Variants in DNAJC1 observed in about 807,000 individuals in gnomAD.
DNAJC1 encodes the protein DnaJ heat shock protein family (Hsp40) member C1, also known as dnaJ homolog subfamily C member 1.
DNAJC1 carries 58 observed loss-of-function variants against 76.6 expected under a neutral mutation model. The observed-to-expected ratio is 0.76, with a 90% confidence interval of 0.61 to 0.94. The LOEUF (loss-of-function observed/expected upper bound fraction) is 0.94, where lower values mean the gene tolerates loss of function less well. Among genes scored for constraint, DNAJC1 ranks in the 40% least tolerant of loss-of-function variants. The probability of loss-of-function intolerance (pLI) is 0.00; values close to 1 mark genes in which losing one functional copy is unlikely to be tolerated. For missense variants in DNAJC1, 689 were observed against 677.3 expected, an observed-to-expected ratio of 1.02 and a Z score of -0.19; for synonymous variants, 258 against 267.9, an observed-to-expected ratio of 0.96 and a Z score of 0.36.
intron 8 of DNAJC1, among the ~76,000 whole-genome samples, chr10:21,857,523 T>TA (rs1181210257): frequency 6.6e-6 from 1 of 151,822 alleles, no homozygotes; most frequent in Non-Finnish European, 1.5e-5. Context: ...GGGTTCTATG[T>TA]AAAATGTCAT....
intron 8 of DNAJC1, among the ~76,000 whole-genome samples, chr10:21,832,537 G>T (rs1366861832): frequency 6.6e-6 from 1 of 151,946 alleles, no homozygotes; most frequent in Non-Finnish European, 1.5e-5. Flanking sequence ...AATGGTAACT[G>T]TCTCTTCCAA....
intron 8 of DNAJC1, among the ~76,000 whole-genome samples, chr10:21,848,569 T>C (rs950567): frequency 0.028 from 4,254 of 152,216 alleles, 172 homozygotes; most frequent in African/African-American, 0.094. Context: ...TCAATATGGA[T>C]AGAACATCTA....
intron 8 of DNAJC1, among the ~76,000 whole-genome samples, chr10:21,861,869 G>T (rs926608092): frequency 6.6e-6 from 1 of 152,036 alleles, no homozygotes; most frequent in African/African-American, 2.4e-5. Flanking sequence ...GGGGCTGCTC[G>T]ATCTGGAGTA....
chr10:21,868,109 T>A (rs1836038897), intron 8 of DNAJC1, among the ~76,000 whole-genome samples: 1 of 126,446 alleles, frequency 7.9e-6, no homozygotes. Flanking sequence ...AAACAACAAC[T>A]GGAAACAATG....
intron 11 of DNAJC1, among the ~76,000 whole-genome samples, chr10:21,758,857 T>C (rs896898973): frequency 6.6e-6 from 1 of 152,220 alleles, no homozygotes; most frequent in African/African-American, 2.4e-5. Context: ...GCCTCCCATG[T>C]GCCCTTAAAA....
intron 8 of DNAJC1, among the ~76,000 whole-genome samples, chr10:21,841,448 G>C (rs1421628888): frequency 6.6e-6 from 1 of 152,180 alleles, no homozygotes; most frequent in African/African-American, 2.4e-5. Context: ...CGAAGGATAT[G>C]AACAGACACT....
At position 22,003,325 on chromosome 10, in the gene DNAJC1, A is replaced by T. The variant is rs1838557259; in HGVS notation, c.110T>A (p.Leu37Gln). Residue 37 changes from leucine to glutamine, a missense_variant, in exon 1 of 12, where the codon CTG (leucine) becomes CAG (glutamine). Coordinates refer to ENST00000376980, the MANE Select transcript of DNAJC1 (RefSeq NM_022365.4). ...CGCCGGCGCCACGGCGGCCAGCAGC[A>T]GCAGCAGCAGCCACAGCAGCGGCGT... ...PRTPLLWLLL[L>Q]LLAAVAPARG... The T allele has an allele frequency of 6.6e-7, 1 of 1,518,270 alleles. No homozygotes were observed. 94.0% of individuals were successfully genotyped at this position (1,518,270 alleles called of 1,614,324 possible). A position where few individuals can be genotyped will look rare whatever the true frequency, so the allele number is the denominator to read the frequency against.
intron 9 of DNAJC1, among the ~76,000 whole-genome samples, chr10:21,781,019 G>A (rs1834521578): frequency 6.6e-6 from 1 of 152,176 alleles, no homozygotes; most frequent in African/African-American, 2.4e-5. Context: ...TAATGGTAAA[G>A]GGATCAATTC....
Position 21,937,729 on chromosome 10 carries a change from C to A in DNAJC1, c.223-8588G>T, listed in dbSNP as rs574188331. On this transcript the variant is annotated intron_variant, in intron 1 of 11. Transcript: ENST00000376980. ...CTATTTTAGGCTATTAAATTGGTCT[C>A]AATAAATTTAAAAAGACTGAAATCA... Among the ~76,000 whole-genome samples the A allele has an allele frequency of 2.2e-4, 33 of 152,184 alleles. 1 individual carries two copies. The South Asian group carries it at 6.0e-3, about 28-fold the overall frequency.
chr10:21,929,713 C>G (rs939750206), intron 1 of DNAJC1, among the ~76,000 whole-genome samples: 1 of 152,074 alleles, frequency 6.6e-6, no homozygotes, highest in Non-Finnish European at 1.5e-5. Context: ...ATATACTATA[C>G]TTATTTACTT....
intron 8 of DNAJC1, among the ~76,000 whole-genome samples, chr10:21,838,411 A>C (rs994151018): frequency 6.6e-6 from 1 of 152,142 alleles, no homozygotes; most frequent in Non-Finnish European, 1.5e-5. Flanking sequence ...TGTTAAACAG[A>C]TGCTTGAAGG....
chr10:21,768,146 A>G (rs967113551), intron 9 of DNAJC1, among the ~76,000 whole-genome samples: 1 of 152,216 alleles, frequency 6.6e-6, no homozygotes, highest in Non-Finnish European at 1.5e-5. Context: ...TTTTTTTCAA[A>G]TGAATAGTTA....
chr10:21,796,023 G>GT (rs1834747243), intron 9 of DNAJC1, among the ~76,000 whole-genome samples: 1 of 149,612 alleles, frequency 6.7e-6, no homozygotes, highest in African/African-American at 2.5e-5. Flanking sequence ...AGGCTGGAGT[G>GT]TAGTGGCATG....
At chr10:21,897,131 T>C (rs1446209844) in intron 7 of DNAJC1, among the ~76,000 whole-genome samples, 1 of 152,184 alleles carries the variant, frequency 6.6e-6, no homozygotes, top group Non-Finnish European at 1.5e-5. Flanking sequence ...GGTATTTTGT[T>C]ACAGCACAAA....
At chr10:21,951,978 T>C (rs545945846) in intron 1 of DNAJC1, among the ~76,000 whole-genome samples, 13 of 152,210 alleles carry the variant, frequency 8.5e-5, no homozygotes, top group Non-Finnish European at 1.3e-4. Flanking sequence ...TCTGGGAGAC[T>C]GTTACTACTG....
At chr10:21,824,940 A>G (rs976110663) in intron 8 of DNAJC1, among the ~76,000 whole-genome samples, 2 of 151,820 alleles carry the variant, frequency 1.3e-5, no homozygotes, top group Non-Finnish European at 2.9e-5. Context: ...ATGCCTGGCT[A>G]ATTTTTTGTA....
chr10:21,855,148 C>T (rs1019120633), intron 8 of DNAJC1, among the ~76,000 whole-genome samples: 15 of 152,026 alleles, frequency 9.9e-5, no homozygotes, highest in Non-Finnish European at 1.8e-4. Flanking sequence ...TCAATACTGA[C>T]GGAGTTAAAA....
rs1249132125 is a variant in DNAJC1 at position 21,824,225 on chromosome 10, C to A, written c.979-18126G>T. 2.0e-5 allele frequency among the ~76,000 whole-genome samples: 3 copies of A among 152,172 alleles called. No individual in the cohort carries two copies. The East Asian group carries it at 5.8e-4, about 29-fold the overall frequency. ...CTCTTCTGAAGGAATACTAAAGCTT[C>A]CATTCAATAACAGTAGCAGTATTAA... On this transcript the variant is annotated intron_variant, in intron 8 of 11. Coordinates refer to ENST00000376980, the MANE Select transcript of DNAJC1 (RefSeq NM_022365.4).
At position 22,003,703 on chromosome 10, in the gene DNAJC1, G is replaced by C. The variant is rs1419346429; in HGVS notation, c.-269C>G. 2.8e-6 allele frequency: 1 copy of C among 354,466 alleles called. No homozygotes were observed. Among genetic ancestry groups the C allele is most frequent in the East Asian group, 4.4e-5 (1 of 22,732 alleles). The allele number at this position is 354,466 out of a possible 1,614,324, so 22.0% of individuals were successfully genotyped here. On this transcript the variant is annotated 5_prime_UTR_variant, in exon 1 of 12. Coordinates refer to ENST00000376980, the MANE Select transcript of DNAJC1 (RefSeq NM_022365.4). ...CCCAGGCCTACACACAGCTGTAGAGGCAGCGCCCGGCGCCTGGGCTGCACA... is the reference window on the plus strand; with the variant it reads ...CCCAGGCCTACACACAGCTGTAGAGCCAGCGCCCGGCGCCTGGGCTGCACA...
Sources: gnomAD v4.1 joint callset for allele counts (sites outside exome capture counted in the v4.1 genomes callset) on GRCh38, gnomAD v4.1.1 for gene constraint, MANE v1.5 for transcripts, NCBI Gene and HGNC (gene_info 2026-07-23, HGNC 2026-07-21) for gene names.